Variants in BAZ1B observed in about 807,000 individuals in gnomAD.
BAZ1B encodes the protein tyrosine-protein kinase BAZ1B.
Under a neutral mutation model 153.8 loss-of-function variants are expected in BAZ1B, and 22 were observed. The ratio of observed to expected loss-of-function variants is 0.14; its 90% CI spans 0.10 to 0.20. The LOEUF is 0.20. Ranked by LOEUF, BAZ1B falls within the 10% of genes least tolerant of loss-of-function variation. BAZ1B has a pLI of 1.00. For missense variants in BAZ1B, 1,325 were observed against 1,799.3 expected, an observed-to-expected ratio of 0.74 and a Z score of 4.77; for synonymous variants, 676 against 633.4, an observed-to-expected ratio of 1.07 and a Z score of -1.01.
chr7:73,505,532 A>G (rs1790303000), intron 3 of BAZ1B, among the ~76,000 whole-genome samples: 1 of 152,130 alleles, frequency 6.6e-6, no homozygotes, highest in Admixed American at 6.6e-5. Context: ...AGAACTGAAA[A>G]ATGTTAGGTC....
chr7:73,459,009 G>A (rs1467774599), intron 13 of BAZ1B, among the ~76,000 whole-genome samples: 1 of 152,154 alleles, frequency 6.6e-6, no homozygotes, highest in Non-Finnish European at 1.5e-5. Context: ...AGCACATTGG[G>A]AGGCCGAAGC....
chr7:73,443,047 C>G (rs1554565536), intron 17 of BAZ1B, among the ~76,000 whole-genome samples: 1 of 152,174 alleles, frequency 6.6e-6, no homozygotes, highest in Admixed American at 6.5e-5. Context: ...CCCGGGGCCA[C>G]GGCAATCAAA....
At chr7:73,455,662 T>C (rs1554569438) in intron 13 of BAZ1B, among the ~76,000 whole-genome samples, 1 of 151,908 alleles carries the variant, frequency 6.6e-6, no homozygotes, top group Non-Finnish European at 1.5e-5. Context: ...TCGCCTATAA[T>C]CCCAGGTACT....
At chr7:73,447,401 T>C (rs1395157695) in intron 15 of BAZ1B, 22 bp from the exon 16 acceptor site, 1 of 1,599,816 alleles carries the variant, frequency 6.3e-7, no homozygotes, top group Non-Finnish European at 8.5e-7. Flanking sequence ...AAAAATAATG[T>C]AGGGAACACA....
Position 73,498,624 on chromosome 7 carries a change from A to G in BAZ1B, c.444T>C (p.Thr148=). 2 of 1,614,164 alleles carry G rather than the reference A, an allele frequency of 1.2e-6. No individual in the cohort carries two copies. Among genetic ancestry groups the G allele is most frequent in the Non-Finnish European group, 1.7e-6 (2 of 1,180,026 alleles). ...HPLEKVDEEA[T]EKKSDGACDS... is the part of the protein sequence containing the mutation. ...CACAGGCACCATCAGATTTCTTCTC[A>G]GTGGCCTCTTCATCCACTTTCTCCA... The change falls in exon 4 of 20, where the codon ACT becomes ACC. Residue 148 remains threonine (T), a synonymous_variant. Transcript: ENST00000339594.
In BAZ1B at chr7:73,478,279, T is replaced by C. The variant is rs1314163417; in HGVS notation, c.1182A>G (p.Pro394=). 4 of 1,614,120 alleles carry C rather than the reference T, an allele frequency of 2.5e-6. No individual in the cohort carries two copies. The highest frequency in any genetic ancestry group is 3.4e-6 in the Non-Finnish European group (4 of 1,180,050). Residue 394 remains proline, a synonymous_variant, in exon 7 of 20, where the codon CCA becomes CCG. Transcript: ENST00000339594. ...IPKKGPPAKK[P]GKHSDKPLKA... The stretch of plus-strand genomic sequence containing the variant: ...TCAAAGGCTTGTCACTGTGCTTCCC[T>C]GGTTTCTTGGCAGGTGGGCCTTTTT...
rs184390711 is a variant in BAZ1B, at chr7:73,513,662, G to A, written c.108-2810C>T. Among the ~76,000 whole-genome samples the A allele has an allele frequency of 1.2e-3, 176 of 152,212 alleles. 1 individual carries two copies. The highest frequency in any genetic ancestry group is 3.9e-3 in the African/African-American group (160 of 41,558). On this transcript the variant is annotated intron_variant, in intron 1 of 19. Coordinates refer to ENST00000339594, the MANE Select transcript of BAZ1B (RefSeq NM_032408.4). The stretch of plus-strand genomic sequence containing the variant: ...TGGAAGGGATGGGTAGTAAAATAAG[G>A]ACAGAGGAGGAATCAGTAAGTGGAC...
intron 1 of BAZ1B, among the ~76,000 whole-genome samples, chr7:73,520,000 G>A (rs1790970707): frequency 2.6e-5 from 4 of 152,146 alleles, no homozygotes; most frequent in Admixed American, 6.6e-5. Context: ...CTGAGGTCAG[G>A]AGTTTGAGAC....
At chr7:73,487,888 CT>C (rs1467129773) in intron 6 of BAZ1B, among the ~76,000 whole-genome samples, 1 of 152,190 alleles carries the variant, frequency 6.6e-6, no homozygotes, top group Admixed American at 6.5e-5. Context: ...GAAGACACCA[CT>C]TATCTTGCTG....
chr7:73,517,664 C>T (rs1183685496), intron 1 of BAZ1B, among the ~76,000 whole-genome samples: 3 of 152,168 alleles, frequency 2.0e-5, no homozygotes, highest in Admixed American at 6.5e-5. Flanking sequence ...AGAGCAAATG[C>T]CAATTGAGGT....
intron 16 of BAZ1B, among the ~76,000 whole-genome samples, chr7:73,445,474 A>C (rs890348137): frequency 2.0e-5 from 3 of 152,172 alleles, no homozygotes; most frequent in African/African-American, 4.8e-5. Flanking sequence ...GGCCGTAAAA[A>C]CTTAGAAAAG....
chr7:73,461,723 G>C (rs1554570408), intron 12 of BAZ1B, among the ~76,000 whole-genome samples: 1 of 152,152 alleles, frequency 6.6e-6, no homozygotes, highest in African/African-American at 2.4e-5. Flanking sequence ...TAGTTGAAAA[G>C]TACTTATAAA....
chr7:73,453,807 T>A (rs560168683), intron 13 of BAZ1B, among the ~76,000 whole-genome samples: 1 of 150,982 alleles, frequency 6.6e-6, no homozygotes, highest in Non-Finnish European at 1.5e-5. Context: ...GGTGAAACCT[T>A]GCCTCTACAG....
intron 3 of BAZ1B, among the ~76,000 whole-genome samples, chr7:73,500,882 T>A (rs1296699910): frequency 8.1e-6 from 1 of 123,494 alleles, no homozygotes; most frequent in Non-Finnish European, 1.7e-5. Context: ...CAAGCAAAAC[T>A]CTGTTTATAA....
chr7:73,511,393 G>A (rs1259637723), intron 1 of BAZ1B, among the ~76,000 whole-genome samples: 2 of 152,092 alleles, frequency 1.3e-5, no homozygotes, highest in African/African-American at 4.8e-5. Context: ...TACAGACTGG[G>A]ATGATCACGT....
Position 73,478,528 on chromosome 7 carries a change from T to C in BAZ1B, c.933A>G (p.Gly311=). ...LNPSTKRKNT[G]SPDRKPSKKS... ...TCTTTGAGGGCTTCCTGTCTGGGGA[T>C]CCAGTATTCTTCCTCTTAGTAGAAG... Residue 311 remains glycine (G), a synonymous_variant, in exon 7 of 20, where the codon GGA becomes GGG. Transcript: ENST00000339594. 1 of 1,571,034 alleles carries C rather than the reference T, an allele frequency of 6.4e-7. No individual in the cohort carries two copies. The highest frequency in any genetic ancestry group is 1.2e-5 in the South Asian group (1 of 83,762).
chr7:73,515,712 A>C (rs922779780), intron 1 of BAZ1B, among the ~76,000 whole-genome samples: 1 of 151,020 alleles, frequency 6.6e-6, no homozygotes, highest in African/African-American at 2.4e-5. Flanking sequence ...TAATTTTTCT[A>C]TTTTTTTTGT....
intron 10 of BAZ1B, 99 bp from the exon 11 acceptor site, chr7:73,465,636 G>A (rs1287495795): frequency 2.9e-6 from 2 of 681,058 alleles, no homozygotes; most frequent in Non-Finnish European, 4.9e-6. Context: ...GGACTTGGGA[G>A]AACAGAATTC....
chr7:73,474,206 C>A (rs1403302729), intron 7 of BAZ1B, among the ~76,000 whole-genome samples: 3 of 151,964 alleles, frequency 2.0e-5, no homozygotes, highest in African/African-American at 7.3e-5. Flanking sequence ...TTTCAAAAAA[C>A]GGCACTAGGA....
Sources: allele counts gnomAD v4.1 joint callset (sites outside exome capture counted in the v4.1 genomes callset), GRCh38; gene constraint gnomAD v4.1.1; transcripts MANE v1.5; gene names NCBI Gene and HGNC (gene_info 2026-07-23, HGNC 2026-07-21).